The following PACS1 variants were observed in gnomAD, a reference collection of about 807,000 sequenced individuals.
PACS1 encodes the protein phosphofurin acidic cluster sorting protein 1.
In PACS1, 24 loss-of-function variants were observed where a neutral mutation model predicts 115.0. The ratio of observed to expected loss-of-function variants is 0.21; its 90% CI spans 0.15 to 0.29. PACS1 has a LOEUF of 0.29. Among genes scored for constraint, PACS1 ranks in the 10% least tolerant of loss-of-function variants. PACS1 has a pLI of 1.00. For missense variants in PACS1, 838 were observed against 1,251.2 expected, an observed-to-expected ratio of 0.67 and a Z score of 4.98; for synonymous variants, 453 against 504.5, an observed-to-expected ratio of 0.90 and a Z score of 1.37.
chr11:66,226,725 A>G (rs755285533), intron 10 of PACS1, among the ~76,000 whole-genome samples: 1 of 152,180 alleles, frequency 6.6e-6, no homozygotes, highest in Non-Finnish European at 1.5e-5. Context: ...GTGGGATATC[A>G]TTTATATTTT....
At chr11:66,071,103 G>T (rs930799299) in intron 1 of PACS1, among the ~76,000 whole-genome samples, 3 of 152,196 alleles carry the variant, frequency 2.0e-5, no homozygotes, top group African/African-American at 7.2e-5. Context: ...GGCTTTCTCC[G>T]ATTGGGCTGA....
chr11:66,108,598 A>G (rs1858109256), intron 1 of PACS1, among the ~76,000 whole-genome samples: 1 of 152,020 alleles, frequency 6.6e-6, no homozygotes. Context: ...TCTTATCTCT[A>G]CAAAGAAAAA....
At chr11:66,081,400 A>G (rs1283037298) in intron 1 of PACS1, among the ~76,000 whole-genome samples, 1 of 151,924 alleles carries the variant, frequency 6.6e-6, no homozygotes, top group Non-Finnish European at 1.5e-5. Flanking sequence ...TTGTCAACCT[A>G]ATTTCTCCGT....
intron 19 of PACS1, among the ~76,000 whole-genome samples, chr11:66,237,752 A>T (rs1855733038): frequency 6.6e-6 from 1 of 152,206 alleles, no homozygotes; most frequent in Admixed American, 6.5e-5. Context: ...ATTAAAAACC[A>T]AAAGAGCTAG....
rs539004987 is a variant in PACS1 at position 66,139,486 on chromosome 11, C to T, written c.357-54000C>T. On this transcript the variant is annotated intron_variant, in intron 1 of 23. Coordinates refer to ENST00000320580, the MANE Select transcript of PACS1 (RefSeq NM_018026.4). ...CCCTCCCCACTTCCCTCCCATCCAC[C>T]CCCCTAACCCCACCACTACCCTTCC... Among the ~76,000 whole-genome samples the T allele has an allele frequency of 2.6e-5, 4 of 151,884 alleles. No individual in the cohort carries two copies. The South Asian group carries it at 6.2e-4, about 24-fold the overall frequency.
intron 1 of PACS1, among the ~76,000 whole-genome samples, chr11:66,088,181 T>C (rs1857604663): frequency 6.6e-6 from 1 of 151,952 alleles, no homozygotes; most frequent in Non-Finnish European, 1.5e-5. Flanking sequence ...TATTTATTTA[T>C]TTATTTATTT....
intron 1 of PACS1, among the ~76,000 whole-genome samples, chr11:66,083,358 C>T (rs1857518981): frequency 6.6e-6 from 1 of 151,914 alleles, no homozygotes. Flanking sequence ...GTTTTTATTA[C>T]TTGTAGGTAG....
chr11:66,191,524 T>G (rs979968891), intron 1 of PACS1, among the ~76,000 whole-genome samples: 1 of 152,200 alleles, frequency 6.6e-6, no homozygotes, highest in South Asian at 2.1e-4. Flanking sequence ...AGGTCACTAC[T>G]CCACTTGAAA....
chr11:66,159,298 G>A (rs1004979136), intron 1 of PACS1, among the ~76,000 whole-genome samples: 8 of 152,142 alleles, frequency 5.3e-5, no homozygotes, highest in African/African-American at 1.4e-4. Flanking sequence ...TTAGCTGGGC[G>A]TGGTGGCACA....
intron 1 of PACS1, among the ~76,000 whole-genome samples, chr11:66,186,583 C>T (rs1024811118): frequency 3.3e-5 from 5 of 152,200 alleles, no homozygotes; most frequent in Non-Finnish European, 7.3e-5. Context: ...TGACTGTGTC[C>T]TTTCACTAGA....
chr11:66,178,377 G>A (rs1228623251), intron 1 of PACS1, among the ~76,000 whole-genome samples: 2 of 152,072 alleles, frequency 1.3e-5, no homozygotes, highest in Non-Finnish European at 2.9e-5. Flanking sequence ...TTATTTCTGT[G>A]TATAGCAGTA....
chr11:66,092,994 T>C (rs1202610044), intron 1 of PACS1, among the ~76,000 whole-genome samples: 1 of 152,200 alleles, frequency 6.6e-6, no homozygotes, highest in Non-Finnish European at 1.5e-5. Context: ...GACTTGGTGA[T>C]GCGGGCCCTT....
intron 1 of PACS1, among the ~76,000 whole-genome samples, chr11:66,082,165 G>A (rs935576614): frequency 6.6e-6 from 1 of 152,142 alleles, no homozygotes; most frequent in Non-Finnish European, 1.5e-5. Flanking sequence ...AAACATCAGG[G>A]CTTAATGAAG....
intron 1 of PACS1, among the ~76,000 whole-genome samples, chr11:66,123,591 G>A (rs374179758): frequency 1.8e-4 from 27 of 151,564 alleles, no homozygotes; most frequent in East Asian, 1.2e-3. Flanking sequence ...GCGTGATCTC[G>A]GCTCACTGCA....
intron 1 of PACS1, among the ~76,000 whole-genome samples, chr11:66,087,857 A>G (rs1857599157): frequency 6.6e-6 from 1 of 152,112 alleles, no homozygotes; most frequent in Non-Finnish European, 1.5e-5. Flanking sequence ...TGAGCAATAT[A>G]TGAAAGTTCC....
chr11:66,070,467 A>C lies in PACS1; in HGVS notation c.-20A>C, dbSNP rs1857287194. 6 of 1,246,034 alleles carry C rather than the reference A, an allele frequency of 4.8e-6. No individual in the cohort carries two copies. Among genetic ancestry groups the C allele is most frequent in the Non-Finnish European group, 6.0e-6 (6 of 995,916 alleles). The allele number at this position is 1,246,034 out of a possible 1,614,324, so 77.2% of individuals were successfully genotyped here. ...AGATCGGCGTCGCCTCGGCCTCCGT[A>C]ACCCCCGCCTAGCCGGGCCATGGCG... On this transcript the variant is annotated 5_prime_UTR_variant, in exon 1 of 24. Coordinates refer to ENST00000320580, the MANE Select transcript of PACS1 (RefSeq NM_018026.4). This position sits in a 1 kb window ranked among gnomAD's most constrained non-coding sequence, Gnocchi z 5.9.
intron 1 of PACS1, among the ~76,000 whole-genome samples, chr11:66,156,801 C>T (rs1565127594): frequency 2.7e-5 from 4 of 150,848 alleles, no homozygotes; most frequent in Admixed American, 6.6e-5. Flanking sequence ...TTGCGCGAGC[C>T]GAGATGGCGC....
chr11:66,205,658 A>ATTTTTT (rs535345581), intron 2 of PACS1, among the ~76,000 whole-genome samples: 2 of 139,006 alleles, frequency 1.4e-5, no homozygotes, highest in African/African-American at 2.7e-5. Flanking sequence ...AATACTCTTA[A>ATTTTTT]TTTTTTTTTT....
chr11:66,225,610 T>C (rs1160572769), intron 10 of PACS1, among the ~76,000 whole-genome samples: 2 of 152,188 alleles, frequency 1.3e-5, no homozygotes, highest in African/African-American at 4.8e-5. Flanking sequence ...ACAATTTTTA[T>C]TTGTCAATTA....
Sources: gnomAD v4.1 joint callset for allele counts (sites outside exome capture counted in the v4.1 genomes callset) on GRCh38, gnomAD v4.1.1 for gene constraint, Gnocchi (gnomAD v3.1) non-coding constraint, MANE v1.5 for transcripts, NCBI Gene and HGNC (gene_info 2026-07-23, HGNC 2026-07-21) for gene names.